The following FAM210B variants were observed in gnomAD, a reference collection of about 807,000 sequenced individuals.
FAM210B encodes mitochondrial inner membrane scaffold 2, also known as family with sequence similarity 210 member B.
In FAM210B, 11 loss-of-function variants were observed where a neutral mutation model predicts 14.9. The ratio of observed to expected loss-of-function variants is 0.74; its 90% CI spans 0.46 to 1.22. The LOEUF is 1.22. FAM210B is among the 50% of genes most tolerant of loss of function. The pLI is 0.00. For synonymous variants in FAM210B, 113 were observed against 110.2 expected, an observed-to-expected ratio of 1.03 and a Z score of -0.16; for missense variants, 229 against 250.1, an observed-to-expected ratio of 0.92 and a Z score of 0.57.
At chr20:56,365,586 A>G (rs911038645) in intron 2 of FAM210B, among the ~76,000 whole-genome samples, 2 of 152,084 alleles carry the variant, frequency 1.3e-5, no homozygotes, top group African/African-American at 4.8e-5. Context: ...GCTCACTGCA[A>G]GCTCTGCCTC....
rs1255360292 is a variant in FAM210B at position 56,362,483 on chromosome 20, T to G, written c.187-2604T>G. On this transcript the variant is annotated intron_variant, in intron 1 of 2. Coordinates refer to ENST00000371384, the MANE Select transcript of FAM210B (RefSeq NM_080821.3). This position sits in a 1 kb window ranked among gnomAD's most constrained non-coding sequence, Gnocchi z 4.8. ...CACGAAGAAATGAATGTCTAAAAAT[T>G]TTCCATTGCCTGCAAGTCACGCCCT... 6.6e-6 allele frequency among the ~76,000 whole-genome samples: 1 copy of G among 152,198 alleles called. No individual in the cohort carries two copies. The highest frequency in any genetic ancestry group is 1.9e-4 in the East Asian group (1 of 5,194).
chr20:56,361,457 G>A (rs1004861510), intron 1 of FAM210B, among the ~76,000 whole-genome samples: 1 of 152,088 alleles, frequency 6.6e-6, no homozygotes, highest in Non-Finnish European at 1.5e-5. Context: ...TGGCACAGAG[G>A]AGACACTCAT....
At position 56,359,354 on chromosome 20, in the gene FAM210B, C is replaced by T. The variant is rs1196086922; in HGVS notation, c.186+163C>T. The stretch of plus-strand genomic sequence containing the variant: ...CCCCGAAACCCCAAATCCCTGCAAG[C>T]CAAGGAAGCGATCCTCCTAGTTGAC... On this transcript the variant is annotated intron_variant, in intron 1 of 2. Transcript: ENST00000371384. This position sits in a 1 kb window ranked among gnomAD's most constrained non-coding sequence, Gnocchi z 4.3. Among the ~76,000 whole-genome samples, 2 of 152,236 alleles carry T rather than the reference C, an allele frequency of 1.3e-5. No homozygotes were observed. Among genetic ancestry groups the T allele is most frequent in the Non-Finnish European group, 2.9e-5 (2 of 68,044 alleles).
intron 1 of FAM210B, 52 bp from the exon 2 acceptor site, chr20:56,365,035 T>C (rs1243226534): frequency 8.4e-6 from 13 of 1,555,174 alleles, no homozygotes; most frequent in East Asian, 2.3e-5. Context: ...AAGCCGGTAA[T>C]GACTGCCCGT....
rs187615555 is a variant in FAM210B, at chr20:56,359,656, T to C, written c.186+465T>C. 3.8e-3 allele frequency among the ~76,000 whole-genome samples: 574 copies of C among 152,378 alleles called. 2 individuals are homozygous for C. Among genetic ancestry groups the C allele is most frequent in the Non-Finnish European group, 6.4e-3 (433 of 68,036 alleles). On this transcript the variant is annotated intron_variant, in intron 1 of 2. Transcript: ENST00000371384. The surrounding 1 kb of genome is among the most constrained non-coding windows in gnomAD (Gnocchi z 4.3). The stretch of plus-strand genomic sequence containing the variant: ...GCCGCGGGCAAGAAACCCACAGTGC[T>C]GTTTGTTATGTTTCATTTCCGTCAC...
In FAM210B at chr20:56,366,379, T is replaced by C. The variant is rs891392452; in HGVS notation, c.*92T>C. 27 of 1,274,656 alleles carry C rather than the reference T, an allele frequency of 2.1e-5. No individual in the cohort carries two copies. The highest frequency in any genetic ancestry group is 2.8e-5 in the Non-Finnish European group (25 of 901,208). The allele number at this position is 1,274,656 out of a possible 1,614,324, so 79.0% of individuals were successfully genotyped here. On this transcript the variant is annotated 3_prime_UTR_variant, in exon 3 of 3. Coordinates refer to ENST00000371384, the MANE Select transcript of FAM210B (RefSeq NM_080821.3). ...GGGTTTTAGGGTTGTAGGGTTTCTTTTGGAGAGGTAGGGGGCTAATTGCTA... is the reference window on the plus strand; with the variant it reads ...GGGTTTTAGGGTTGTAGGGTTTCTTCTGGAGAGGTAGGGGGCTAATTGCTA...
chr20:56,361,170 GCT>G (rs1302353680), intron 1 of FAM210B, among the ~76,000 whole-genome samples: 1 of 152,138 alleles, frequency 6.6e-6, no homozygotes, highest in Non-Finnish European at 1.5e-5. Context: ...CAGATGACTT[GCT>G]CTCCCAGAGC....
At chr20:56,361,384 C>T (rs111482924) in intron 1 of FAM210B, among the ~76,000 whole-genome samples, 3 of 152,284 alleles carry the variant, frequency 2.0e-5, no homozygotes, top group Admixed American at 6.5e-5. Flanking sequence ...ACCATAAGCT[C>T]ATCGAGGGTG....
Position 56,362,564 on chromosome 20 carries a change from G to A in FAM210B, c.187-2523G>A, listed in dbSNP as rs141129138. The stretch of plus-strand genomic sequence containing the variant: ...CTCCCCAAAGGTTAGGAAGAAAAAT[G>A]CGTGGCTCACAGTGCTTATAGATGG... On this transcript the variant is annotated intron_variant, in intron 1 of 2. Coordinates refer to ENST00000371384, the MANE Select transcript of FAM210B (RefSeq NM_080821.3). The surrounding 1 kb of genome is among the most constrained non-coding windows in gnomAD (Gnocchi z 4.8). 3.3e-3 allele frequency among the ~76,000 whole-genome samples: 502 copies of A among 152,286 alleles called. 2 individuals carry two copies. Among genetic ancestry groups the A allele is most frequent in the Non-Finnish European group, 5.1e-3 (350 of 68,024 alleles).
At position 56,366,198 on chromosome 20, in the gene FAM210B, A is replaced by G; in HGVS notation, c.490A>G (p.Arg164Gly). Residue 164 changes from arginine (R) to glycine (G), a missense_variant, in exon 3 of 3, where the codon AGA becomes GGA. Arg to Gly is a moderately radical substitution (Grantham distance 125, BLOSUM62 -2). Transcript: ENST00000371384. ...YAIHKLFAPV[R>G]ISITLVSVPL... Reference sequence around the variant, plus strand: ...AATCCACAAGCTGTTTGCGCCAGTGAGAATCAGCATTACGCTAGTCTCTGT... The same window carrying G: ...AATCCACAAGCTGTTTGCGCCAGTGGGAATCAGCATTACGCTAGTCTCTGT... 6.2e-7 allele frequency: 1 copy of G among 1,614,204 alleles called. No individual in the cohort carries two copies. Among genetic ancestry groups the G allele is most frequent in the African/African-American group, 1.3e-5 (1 of 75,046 alleles).
chr20:56,365,369 C>A, intron 2 of FAM210B, 107 bp downstream of exon 2: 1 of 1,244,408 alleles, frequency 8.0e-7, no homozygotes, highest in Non-Finnish European at 1.1e-6. Flanking sequence ...GGGTCTCACT[C>A]CACTGCCCAG....
Position 56,362,759 on chromosome 20 carries a change from G to C in FAM210B, c.187-2328G>C, listed in dbSNP as rs537080326. On this transcript the variant is annotated intron_variant, in intron 1 of 2. Coordinates refer to ENST00000371384, the MANE Select transcript of FAM210B (RefSeq NM_080821.3). The surrounding 1 kb of genome is among the most constrained non-coding windows in gnomAD (Gnocchi z 4.8). Reference sequence around the variant, plus strand: ...TGCTCAGTTCTATAGCTGGAATCCTGGCTGCCTTTTTATTTTTATTTTTTG... The same window carrying C: ...TGCTCAGTTCTATAGCTGGAATCCTCGCTGCCTTTTTATTTTTATTTTTTG... 6.6e-6 allele frequency among the ~76,000 whole-genome samples: 1 copy of C among 152,282 alleles called. No homozygotes were observed.
chr20:56,362,310 G>C lies in FAM210B; in HGVS notation c.187-2777G>C, dbSNP rs1983548237. Among the ~76,000 whole-genome samples the C allele has an allele frequency of 6.8e-6, 1 of 147,042 alleles. No individual in the cohort carries two copies. Among genetic ancestry groups the C allele is most frequent in the South Asian group, 2.2e-4 (1 of 4,620 alleles). Reference sequence around the variant, plus strand: ...TGTACTTTAAAAAATGTTGGGGAGAGGCAGAAGGGGCATCTCACACACACA... The same window carrying C: ...TGTACTTTAAAAAATGTTGGGGAGACGCAGAAGGGGCATCTCACACACACA... On this transcript the variant is annotated intron_variant, in intron 1 of 2. Transcript: ENST00000371384. The surrounding 1 kb of genome is among the most constrained non-coding windows in gnomAD (Gnocchi z 4.8).
At position 56,362,854 on chromosome 20, in the gene FAM210B, C is replaced by T. The variant is rs970117054; in HGVS notation, c.187-2233C>T. On this transcript the variant is annotated intron_variant, in intron 1 of 2. Transcript: ENST00000371384. This position sits in a 1 kb window ranked among gnomAD's most constrained non-coding sequence, Gnocchi z 4.8. ...CCTCGCAGAGACAGCTGCAGTCGGT[C>T]CAGTGATTGGACAGAATGGGGCCAG... 2.0e-5 allele frequency among the ~76,000 whole-genome samples: 3 copies of T among 152,218 alleles called. No individual in the cohort carries two copies. The highest frequency in any genetic ancestry group is 7.2e-5 in the African/African-American group (3 of 41,452).
At chr20:56,361,159 G>A (rs1205271181) in intron 1 of FAM210B, among the ~76,000 whole-genome samples, 2 of 152,172 alleles carry the variant, frequency 1.3e-5, no homozygotes, top group African/African-American at 4.8e-5. Flanking sequence ...GGGAGTTCAG[G>A]CAGATGACTT....
rs373545622 is a variant in FAM210B, at chr20:56,362,992, T to C, written c.187-2095T>C. The stretch of plus-strand genomic sequence containing the variant: ...GCCTCCCTCAGCAGCTGGAGGTGGG[T>C]GGGGCTTGTTTATCAGGAAGAACCG... On this transcript the variant is annotated intron_variant, in intron 1 of 2. Transcript: ENST00000371384. The surrounding 1 kb of genome is among the most constrained non-coding windows in gnomAD (Gnocchi z 4.8). Among the ~76,000 whole-genome samples, 186 of 152,120 alleles carry C rather than the reference T, an allele frequency of 1.2e-3. 3 individuals carry two copies. In the South Asian group the frequency reaches 0.038, roughly 31 times the overall value.
chr20:56,360,371 C>G (rs1983509781), intron 1 of FAM210B: 2 of 398,154 alleles, frequency 5.0e-6, no homozygotes. Flanking sequence ...TGTGGGTCTT[C>G]TCTGCACTCA....
In FAM210B at chr20:56,358,975, G is replaced by A; in HGVS notation, c.-31G>A. On this transcript the variant is annotated 5_prime_UTR_variant, in exon 1 of 3. Transcript: ENST00000371384. Reference sequence around the variant, plus strand: ...CGGCCTCCGCCCGCCTCCCGGGTCAGCGGCGCGGGTGCTGCGCCTAGCTGC... The same window carrying A: ...CGGCCTCCGCCCGCCTCCCGGGTCAACGGCGCGGGTGCTGCGCCTAGCTGC... 2 of 1,186,170 alleles carry A rather than the reference G, an allele frequency of 1.7e-6. No homozygotes were observed. Among genetic ancestry groups the A allele is most frequent in the Non-Finnish European group, 2.1e-6 (2 of 961,348 alleles). 73.5% of individuals were successfully genotyped at this position (1,186,170 alleles called of 1,614,324 possible).
At chr20:56,365,019 G>A (rs1983601010) in intron 1 of FAM210B, 68 bp from the exon 2 acceptor site, 3 of 1,465,938 alleles carry the variant, frequency 2.0e-6, no homozygotes, top group Non-Finnish European at 2.8e-6. Context: ...TTGCATGCGT[G>A]TATAAAAGCC....
Sources: gnomAD v4.1 joint callset for allele counts (sites outside exome capture counted in the v4.1 genomes callset) on GRCh38, gnomAD v4.1.1 for gene constraint, Gnocchi (gnomAD v3.1) non-coding constraint, MANE v1.5 for transcripts, NCBI Gene and HGNC (gene_info 2026-07-23, HGNC 2026-07-21) for gene names.